Variants in CFAP299 observed in about 807,000 individuals in gnomAD.
CFAP299 encodes the protein cilia- and flagella-associated protein 299.
CFAP299 carries 21 observed loss-of-function variants against 27.0 expected under a neutral mutation model. The observed-to-expected ratio is 0.78, with a 90% CI of 0.55 to 1.12. The LOEUF (loss-of-function observed/expected upper bound fraction) is 1.12, where lower values mean the gene tolerates loss of function less well. Ranked by LOEUF, CFAP299 falls within the 50% of genes most tolerant of loss-of-function variation. CFAP299 has a pLI of 0.00. For synonymous variants in CFAP299, 104 were observed against 98.1 expected (o/e 1.06, Z -0.36); for missense variants, 310 against 276.6 (o/e 1.12, Z -0.86).
intron 3 of CFAP299, among the ~76,000 whole-genome samples, chr4:80,604,337 A>G (rs1737522435): frequency 6.6e-6 from 1 of 152,170 alleles, no homozygotes; most frequent in African/African-American, 2.4e-5. Flanking sequence ...CTAATGATAA[A>G]AAAAAAGTTT....
At chr4:80,423,061 A>G (rs932190375) in intron 2 of CFAP299, among the ~76,000 whole-genome samples, 1 of 152,238 alleles carries the variant, frequency 6.6e-6, no homozygotes, top group Non-Finnish European at 1.5e-5. Flanking sequence ...AAGTCACAGT[A>G]AACATAGGTA....
At chr4:80,374,103 A>G (rs1724286148) in intron 2 of CFAP299, among the ~76,000 whole-genome samples, 1 of 152,164 alleles carries the variant, frequency 6.6e-6, no homozygotes, top group Non-Finnish European at 1.5e-5. Context: ...GAGTCACGCT[A>G]GCAGAGTTTG....
At chr4:80,438,407 T>A (rs1261922958) in intron 2 of CFAP299, among the ~76,000 whole-genome samples, 1 of 152,236 alleles carries the variant, frequency 6.6e-6, no homozygotes, top group Non-Finnish European at 1.5e-5. Context: ...AGCTTCCAAA[T>A]GTCATCCCAA....
chr4:80,889,415 A>G (rs756657808), intron 4 of CFAP299, among the ~76,000 whole-genome samples: 1 of 152,022 alleles, frequency 6.6e-6, no homozygotes, highest in Non-Finnish European at 1.5e-5. Flanking sequence ...ATGACCTACC[A>G]AGATTGAATC....
rs187714512 is a variant in CFAP299, at chr4:80,631,391, C to G, written c.333+48208C>G. Among the ~76,000 whole-genome samples, 22 of 152,046 alleles carry G rather than the reference C, an allele frequency of 1.4e-4. No homozygotes were observed. The East Asian group carries it at 4.1e-3, about 28-fold the overall frequency. On this transcript the variant is annotated intron_variant, in intron 3 of 5. Coordinates refer to ENST00000358105, the MANE Select transcript of CFAP299 (RefSeq NM_152770.3). ...CAGATACCTACATAAACATCAAGTG[C>G]AAATTATAAAGTAAAGAGTAAGTCT...
intron 3 of CFAP299, among the ~76,000 whole-genome samples, chr4:80,791,295 C>T (rs2867785): frequency 0.15 from 22,071 of 151,764 alleles, 2,007 homozygotes; most frequent in African/African-American, 0.24. Flanking sequence ...AGAGTAGATA[C>T]GAATTCTAGC....
chr4:80,702,529 G>C (rs887975070), intron 3 of CFAP299, among the ~76,000 whole-genome samples: 1 of 151,852 alleles, frequency 6.6e-6, no homozygotes, highest in Non-Finnish European at 1.5e-5. Flanking sequence ...GATCATTCTA[G>C]AACACTGGGC....
intron 2 of CFAP299, among the ~76,000 whole-genome samples, chr4:80,566,544 A>C (rs1735297394): frequency 6.6e-6 from 1 of 152,088 alleles, no homozygotes; most frequent in South Asian, 2.1e-4. Flanking sequence ...AAAAACTCAG[A>C]GACTAGACAT....
At chr4:80,476,960 C>CGCGCGTGT (rs1553926298) in intron 2 of CFAP299, among the ~76,000 whole-genome samples, 2,114 of 106,666 alleles carry the variant, frequency 0.02, 38 homozygotes, top group Admixed American at 0.077. Context: ...TGTGCGCATG[C>CGCGCGTGT]GTGTGTGTGT....
intron 3 of CFAP299, among the ~76,000 whole-genome samples, chr4:80,601,758 G>T (rs1292464846): frequency 1.3e-5 from 2 of 152,156 alleles, no homozygotes. Context: ...CCTCAGGGAA[G>T]AGTAAGGGAC....
At chr4:80,939,274 TC>T (rs1337408576) in intron 4 of CFAP299, among the ~76,000 whole-genome samples, 1 of 152,210 alleles carries the variant, frequency 6.6e-6, no homozygotes, top group Non-Finnish European at 1.5e-5. Flanking sequence ...ATTTTCTTTT[TC>T]TCTGTTCCTT....
At chr4:80,453,760 G>T (rs1729009064) in intron 2 of CFAP299, among the ~76,000 whole-genome samples, 1 of 150,824 alleles carries the variant, frequency 6.6e-6, no homozygotes, top group Admixed American at 6.6e-5. Flanking sequence ...AGAATCGCTT[G>T]AGTCTGGGAG....
At chr4:80,340,386 C>T (rs570205332) in intron 1 of CFAP299, among the ~76,000 whole-genome samples, 1 of 152,344 alleles carries the variant, frequency 6.6e-6, no homozygotes, top group South Asian at 2.1e-4. Flanking sequence ...AGAGTAGTCA[C>T]TCAGGCTCAC....
chr4:80,608,605 A>G (rs760677628), intron 3 of CFAP299, among the ~76,000 whole-genome samples: 2 of 152,150 alleles, frequency 1.3e-5, no homozygotes, highest in Admixed American at 6.5e-5. Flanking sequence ...AAAAAAGCGC[A>G]TTGTAGATTT....
intron 3 of CFAP299, among the ~76,000 whole-genome samples, chr4:80,697,953 T>C (rs1483953025): frequency 6.6e-6 from 1 of 152,200 alleles, no homozygotes; most frequent in East Asian, 1.9e-4. Flanking sequence ...AAACCAAGAA[T>C]TAATCAATCA....
intron 5 of CFAP299, among the ~76,000 whole-genome samples, chr4:80,954,760 G>A (rs1206137203): frequency 6.6e-6 from 1 of 151,936 alleles, no homozygotes. Flanking sequence ...AGCAGTTTAG[G>A]AGGCGGAGGT....
chr4:80,590,914 T>C (rs568450697), intron 3 of CFAP299, among the ~76,000 whole-genome samples: 48 of 152,038 alleles, frequency 3.2e-4, no homozygotes, highest in Admixed American at 7.2e-4. Context: ...TTCTTTAAAA[T>C]TTATGATTCC....
intron 3 of CFAP299, among the ~76,000 whole-genome samples, chr4:80,714,053 C>T (rs965212805): frequency 1.3e-5 from 2 of 152,132 alleles, no homozygotes; most frequent in Admixed American, 6.6e-5. Context: ...CTTCTTGCTT[C>T]TTCACCTTTA....
intron 3 of CFAP299, among the ~76,000 whole-genome samples, chr4:80,659,635 C>A (rs1315712437): frequency 6.6e-6 from 1 of 151,898 alleles, no homozygotes; most frequent in African/African-American, 2.4e-5. Context: ...TTGTTAATAT[C>A]TTGTGTTGTT....
Sources: allele counts gnomAD v4.1 joint callset (sites outside exome capture counted in the v4.1 genomes callset), GRCh38; gene constraint gnomAD v4.1.1; transcripts MANE v1.5; gene names NCBI Gene and HGNC (gene_info 2026-07-23, HGNC 2026-07-21).